Variants in HCK observed in about 807,000 individuals in gnomAD.
HCK encodes the protein tyrosine-protein kinase HCK.
In HCK, 40 loss-of-function variants were observed where a neutral mutation model predicts 70.4. That is an observed-to-expected ratio of 0.57 (90% CI 0.44 to 0.74). The LOEUF (loss-of-function observed/expected upper bound fraction) is 0.74, where lower values mean the gene tolerates loss of function less well. HCK is among the 30% of genes least tolerant of loss of function. The pLI is 0.00. For synonymous variants in HCK, 245 were observed against 263.2 expected (o/e 0.93, Z 0.67); for missense variants, 568 against 697.2 (o/e 0.81, Z 2.09).
In HCK at chr20:32,073,369, T is replaced by C. The variant is rs376121418; in HGVS notation, c.226+8T>C. On this transcript the variant is annotated splice_region_variant and intron_variant, in intron 3 of 12. Transcript: ENST00000375852. ...CACCAGGAATCAGGGAGGGTAAGTATCTACGAGCAGATGCAGTGGAGTCAT... is the reference window on the plus strand; with the variant it reads ...CACCAGGAATCAGGGAGGGTAAGTACCTACGAGCAGATGCAGTGGAGTCAT... 6.2e-7 allele frequency: 1 copy of C among 1,610,606 alleles called. No homozygotes were observed. The highest frequency in any genetic ancestry group is 8.5e-7 in the Non-Finnish European group (1 of 1,178,524).
chr20:32,094,739 A>AAGAG (rs2122620223), intron 11 of HCK, among the ~76,000 whole-genome samples: 2 of 136,190 alleles, frequency 1.5e-5, no homozygotes, highest in South Asian at 5.0e-4. Flanking sequence ...GAAAGAAAGA[A>AAGAG]AGAAAGAAAG....
intron 8 of HCK, among the ~76,000 whole-genome samples, chr20:32,086,228 C>T (rs946324998): frequency 4.6e-4 from 70 of 152,166 alleles, no homozygotes; most frequent in Non-Finnish European, 9.1e-4. Context: ...ACCGTGTTAG[C>T]CAGGATGGTC....
chr20:32,052,424 G>A lies in HCK; in HGVS notation c.-1G>A. The A allele has an allele frequency of 7.8e-7, 1 of 1,284,090 alleles. No individual in the cohort carries two copies. Among genetic ancestry groups the A allele is most frequent in the Non-Finnish European group, 9.9e-7 (1 of 1,006,340 alleles). The allele number at this position is 1,284,090 out of a possible 1,614,324, so 79.5% of individuals were successfully genotyped here. ...ACCCCGGAACCTCAGGGGCTGCCGAGCTGGGGGGGCGCTCAAGCTGCGAGG... is the reference window on the plus strand; with the variant it reads ...ACCCCGGAACCTCAGGGGCTGCCGAACTGGGGGGGCGCTCAAGCTGCGAGG... On this transcript the variant is annotated 5_prime_UTR_variant, in exon 1 of 13. Coordinates refer to ENST00000375852, the MANE Select transcript of HCK (RefSeq NM_002110.5).
chr20:32,058,205 C>G (rs933901271), intron 1 of HCK, among the ~76,000 whole-genome samples: 1 of 137,620 alleles, frequency 7.3e-6, no homozygotes, highest in Admixed American at 7.9e-5. Flanking sequence ...AATCTCTTCC[C>G]TTTCTGAGCC....
chr20:32,069,766 A>G (rs1467655225), intron 1 of HCK: 1 of 1,277,984 alleles, frequency 7.8e-7, no homozygotes, highest in African/African-American at 1.5e-5. Context: ...ATCCTTGTAA[A>G]TAAAAGGAAT....
At chr20:32,058,801 G>C (rs1056856949) in intron 1 of HCK, among the ~76,000 whole-genome samples, 1 of 152,160 alleles carries the variant, frequency 6.6e-6, no homozygotes, top group Non-Finnish European at 1.5e-5. Context: ...GTCATTAAAG[G>C]TGTCTTCTAA....
intron 1 of HCK, among the ~76,000 whole-genome samples, chr20:32,064,289 C>T (rs2122496104): frequency 6.6e-6 from 1 of 152,294 alleles, no homozygotes; most frequent in African/African-American, 2.4e-5. Flanking sequence ...CCACCGCGCC[C>T]ATCCACCCAT....
Position 32,101,389 on chromosome 20 carries a change from A to G in HCK, c.1451A>G (p.Glu484Gly), listed in dbSNP as rs1422875561. ...ATGCCTCGCCCAGAGAACTGCCCAG[A>G]GGAGCTCTACAACATCATGATGCGC... Residue 484 changes from glutamate to glycine, a missense_variant, in exon 13 of 13, where the codon GAG becomes GGG. Physicochemically the swap from Glu to Gly is moderately conservative, Grantham distance 98. Coordinates refer to ENST00000375852, the MANE Select transcript of HCK (RefSeq NM_002110.5). The G allele has an allele frequency of 6.2e-7, 1 of 1,614,214 alleles. No homozygotes were observed. Among genetic ancestry groups the G allele is most frequent in the Non-Finnish European group, 8.5e-7 (1 of 1,180,042 alleles).
At chr20:32,058,795 T>C (rs939645335) in intron 1 of HCK, among the ~76,000 whole-genome samples, 3 of 152,054 alleles carry the variant, frequency 2.0e-5, no homozygotes, top group African/African-American at 7.2e-5. Context: ...GAGGTAGTCA[T>C]TAAAGGTGTC....
intron 11 of HCK, among the ~76,000 whole-genome samples, chr20:32,094,408 A>G (rs2045905524): frequency 6.6e-6 from 1 of 152,150 alleles, no homozygotes; most frequent in Admixed American, 6.6e-5. Flanking sequence ...GGCCAGGCTC[A>G]GTGGCTCACG....
In HCK at chr20:32,093,971, G is replaced by A; in HGVS notation, c.1201G>A (p.Gly401Ser). 1 of 1,613,928 alleles carries A rather than the reference G, an allele frequency of 6.2e-7. No homozygotes were observed. ...CCTGGTGTGTAAGATTGCTGACTTTGGCCTGGCCCGGGTCATTGAGGACAA... is the reference window on the plus strand; with the variant it reads ...CCTGGTGTGTAAGATTGCTGACTTTAGCCTGGCCCGGGTCATTGAGGACAA... Residue 401 changes from glycine to serine, a missense_variant, in exon 11 of 13, where the codon GGC (glycine) becomes AGC (serine). This residue lies in a region of HCK where 160 missense variants were observed against 237.5 expected (regional missense o/e 0.67). Coordinates refer to ENST00000375852, the MANE Select transcript of HCK (RefSeq NM_002110.5).
intron 5 of HCK, 33 bp from the exon 6 acceptor site, chr20:32,079,741 A>G: frequency 6.8e-7 from 1 of 1,470,010 alleles, no homozygotes. Flanking sequence ...GCATGACCCC[A>G]GGTTCACATT....
At chr20:32,058,031 A>C (rs146970405) in intron 1 of HCK, among the ~76,000 whole-genome samples, 167 of 152,264 alleles carry the variant, frequency 1.1e-3, no homozygotes, top group African/African-American at 3.9e-3. Context: ...AGTTCCAGGC[A>C]TCACCCTGAA....
At chr20:32,069,084 G>A (rs1568972149) in intron 1 of HCK, among the ~76,000 whole-genome samples, 1 of 152,102 alleles carries the variant, frequency 6.6e-6, no homozygotes, top group East Asian at 1.9e-4. Context: ...TTCATGATCC[G>A]GGGCAGTGTC....
intron 2 of HCK, 86 bp downstream of exon 2, chr20:32,071,868 G>A (rs2045545120): frequency 3.9e-6 from 6 of 1,521,234 alleles, no homozygotes; most frequent in Non-Finnish European, 5.3e-6. Context: ...TCCCAAGGTT[G>A]GGCAGGGTGA....
At chr20:32,095,271 T>C (rs548077750) in intron 11 of HCK, among the ~76,000 whole-genome samples, 11 of 152,258 alleles carry the variant, frequency 7.2e-5, no homozygotes, top group East Asian at 5.8e-4. Context: ...CTTTTTTTTT[T>C]CTTTGAGATG....
At chr20:32,068,949 A>G (rs1002736021) in intron 1 of HCK, among the ~76,000 whole-genome samples, 1 of 152,124 alleles carries the variant, frequency 6.6e-6, no homozygotes, top group Admixed American at 6.5e-5. Flanking sequence ...CTCTGAGAAA[A>G]CAAATCACAC....
In HCK at chr20:32,066,331, T is replaced by A. The variant is rs6061148; in HGVS notation, c.63-5331T>A. Among the ~76,000 whole-genome samples, 526 of 81,772 alleles carry A rather than the reference T, an allele frequency of 6.4e-3. 57 individuals are homozygous for A. The highest frequency in any genetic ancestry group is 0.052 in the Admixed American group (316 of 6,068). The allele number at this position is 81,772 out of a possible 152,430, so 53.6% of individuals were successfully genotyped here. On this transcript the variant is annotated intron_variant, in intron 1 of 12. Coordinates refer to ENST00000375852, the MANE Select transcript of HCK (RefSeq NM_002110.5). ...TTTTTTTTTTTTTTTTTTTTTTTTTTGACAGAGTCTTGCTCTGTTTCCCAG... is the reference window on the plus strand; with the variant it reads ...TTTTTTTTTTTTTTTTTTTTTTTTTAGACAGAGTCTTGCTCTGTTTCCCAG...
chr20:32,054,595 A>T (rs1255720338), intron 1 of HCK, among the ~76,000 whole-genome samples: 1 of 146,232 alleles, frequency 6.8e-6, no homozygotes, highest in Non-Finnish European at 1.5e-5. Flanking sequence ...TCACGAGGTC[A>T]GGAGATCGAG....
Sources: allele counts gnomAD v4.1 joint callset (sites outside exome capture counted in the v4.1 genomes callset), GRCh38; gene constraint gnomAD v4.1.1; regional missense constraint gnomAD v4.1.1; transcripts MANE v1.5; gene names NCBI Gene and HGNC (gene_info 2026-07-23, HGNC 2026-07-21).